Variants in GAA observed in about 807,000 individuals in gnomAD.
The protein encoded by GAA is alpha glucosidase.
A neutral mutation model predicts 103.9 loss-of-function variants in GAA; 88 were observed. That is an observed-to-expected ratio of 0.85 (90% CI 0.71 to 1.01). The LOEUF is 1.01. GAA is among the 50% of genes least tolerant of loss of function. GAA has a pLI of 0.00. For synonymous variants in GAA, 572 were observed against 563.1 expected (o/e 1.02, Z -0.22); for missense variants, 1,350 against 1,305.3 (o/e 1.03, Z -0.53).
rs140301384 is a variant in GAA at position 80,107,851 on chromosome 17, G to A, written c.910G>A (p.Gly304Ser). ...CCCTTTCTACCTGGCGCTGGAGGAC[G>A]GCGGGTCGGCACACGGGGTGTTCCT... The part of the protein sequence containing the change: ...SHPFYLALED[G>S]GSAHGVFLLN... Residue 304 changes from glycine (G) to serine (S), a missense_variant, in exon 5 of 20, where the codon GGC (glycine) becomes AGC (serine). Gly to Ser is a moderately conservative substitution (Grantham distance 56, BLOSUM62 0). Coordinates refer to ENST00000302262, the MANE Select transcript of GAA (RefSeq NM_000152.5). The A allele has an allele frequency of 2.3e-5, 37 of 1,612,114 alleles. No homozygotes were observed. The Admixed American group carries it at 2.3e-4, about 10-fold the overall frequency.
chr17:80,105,447 G>A (rs2039060357), intron 2 of GAA, among the ~76,000 whole-genome samples: 1 of 152,214 alleles, frequency 6.6e-6, no homozygotes, highest in African/African-American at 2.4e-5. Flanking sequence ...CCCCAGGCAT[G>A]ACTTTGTTTT....
At chr17:80,112,126 G>A in intron 12 of GAA, 26 bp downstream of exon 12, 1 of 1,595,232 alleles carries the variant, frequency 6.3e-7, no homozygotes. Context: ...CGCCCCACTG[G>A]GCTCTGCCCT....
Position 80,113,290 on chromosome 17 carries a change from C to T in GAA, c.2113C>T (p.Leu705Phe). The T allele has an allele frequency of 2.5e-6, 4 of 1,599,880 alleles. No individual in the cohort carries two copies. Among genetic ancestry groups the T allele is most frequent in the Non-Finnish European group, 2.6e-6 (3 of 1,173,664 alleles). ...GAAGGCCCTCACCCTGCGCTACGCA[C>T]TCCTCCCCCACCTCTACACACTGTT... ...MRKALTLRYA[L>F]LPHLYTLFHQ... Residue 705 changes from leucine (L) to phenylalanine (F), a missense_variant, in exon 15 of 20, where the codon CTC becomes TTC. Physicochemically the swap from Leu to Phe is conservative, Grantham distance 22. Coordinates refer to ENST00000302262, the MANE Select transcript of GAA (RefSeq NM_000152.5).
intron 8 of GAA, 106 bp from the exon 9 acceptor site, chr17:80,109,839 C>G: frequency 1.3e-6 from 1 of 798,496 alleles, no homozygotes; most frequent in Non-Finnish European, 2.2e-6. Flanking sequence ...GCTGTACACA[C>G]GCATGATGTC....
At position 80,104,719 on chromosome 17, in the gene GAA, T is replaced by C. The variant is rs1322709296; in HGVS notation, c.133T>C (p.Ser45Pro). ...GCTGGTTCCCCGAGAGCTGAGTGGC[T>C]CCTCCCCAGTCCTGGAGGAGACTCA... is the stretch of plus-strand genomic sequence containing the variant. ...FLLVPRELSG[S>P]SPVLEETHPA... The change falls in exon 2 of 20, where the codon TCC becomes CCC. Residue 45 changes from serine to proline, a missense_variant. Transcript: ENST00000302262. The surrounding 1 kb of genome is among the most constrained non-coding windows in gnomAD (Gnocchi z 4.0). 6.2e-7 allele frequency: 1 copy of C among 1,611,984 alleles called. No individual in the cohort carries two copies. The highest frequency in any genetic ancestry group is 1.3e-5 in the African/African-American group (1 of 74,850).
Position 80,104,045 on chromosome 17 carries a change from C to G in GAA, c.-32-510C>G, listed in dbSNP as rs981397471. Among the ~76,000 whole-genome samples the G allele has an allele frequency of 4.6e-5, 7 of 152,190 alleles. No individual in the cohort carries two copies. Among genetic ancestry groups the G allele is most frequent in the African/African-American group, 7.2e-5 (3 of 41,446 alleles). ...TCGGAAGGCCAAGGGGGGTGGATCA[C>G]TTGAGCTCAGGAGTTCGAGACCAGC... On this transcript the variant is annotated intron_variant, in intron 1 of 19. Coordinates refer to ENST00000302262, the MANE Select transcript of GAA (RefSeq NM_000152.5). This position sits in a 1 kb window ranked among gnomAD's most constrained non-coding sequence, Gnocchi z 4.0.
chr17:80,105,630 C>T (rs1242115786), intron 2 of GAA, 119 bp from the exon 3 acceptor site: 3 of 1,226,180 alleles, frequency 2.4e-6, no homozygotes, highest in Non-Finnish European at 3.5e-6. Context: ...GAATGTGCTG[C>T]CCATGGTCCC....
intron 18 of GAA, 31 bp downstream of exon 18, chr17:80,118,388 C>G: frequency 6.4e-7 from 1 of 1,556,348 alleles, no homozygotes; most frequent in East Asian, 2.3e-5. Context: ...GGCTGGTGGG[C>G]AGGGGCCGGC....
chr17:80,118,733 G>A lies in GAA; in HGVS notation c.2727G>A (p.Val909=). The A allele has an allele frequency of 6.2e-7, 1 of 1,613,378 alleles. No individual in the cohort carries two copies. The highest frequency in any genetic ancestry group is 8.5e-7 in the Non-Finnish European group (1 of 1,179,998). Residue 909 remains valine, a synonymous_variant, in exon 19 of 20, where the codon GTG becomes GTA. Coordinates refer to ENST00000302262, the MANE Select transcript of GAA (RefSeq NM_000152.5). ...TGCAGAAGGTGACTGTCCTGGGCGT[G>A]GCCACGGCGCCCCAGCAGGTCCTCT... ...LQLQKVTVLG[V]ATAPQQVLSN... is the part of the protein sequence containing the mutation.
In GAA at chr17:80,107,748, G is replaced by A. The variant is rs111888302; in HGVS notation, c.858+26G>A. 9.3e-6 allele frequency: 15 copies of A among 1,610,282 alleles called. 1 individual carries two copies. The highest frequency in any genetic ancestry group is 8.4e-5 in the Admixed American group (5 of 59,856). On this transcript the variant is annotated intron_variant, in intron 4 of 19. Transcript: ENST00000302262. ...GTACAGCGGCGGGCGGCGGGCGGGGGCACTGAGCTGGGGAGCGCAGGTGCT... is the reference window on the plus strand; with the variant it reads ...GTACAGCGGCGGGCGGCGGGCGGGGACACTGAGCTGGGGAGCGCAGGTGCT...
chr17:80,112,178 G>T (rs1444712385), intron 12 of GAA, 78 bp downstream of exon 12: 21 of 1,430,280 alleles, frequency 1.5e-5, no homozygotes, highest in Non-Finnish European at 2.0e-5. Context: ...CAGGGCCTCA[G>T]GGAGGAGGAA....
At position 80,119,261 on chromosome 17, in the gene GAA, C is replaced by T. The variant is rs374571499; in HGVS notation, c.2800-11C>T. On this transcript the variant is annotated splice_polypyrimidine_tract_variant and intron_variant, in intron 19 of 19. Coordinates refer to ENST00000302262, the MANE Select transcript of GAA (RefSeq NM_000152.5). Reference sequence around the variant, plus strand: ...TCTCGGGCTGCTCCATTTGTGCTCTCTCTTTTCCAGGTCCTGGACATCTGT... The same window carrying T: ...TCTCGGGCTGCTCCATTTGTGCTCTTTCTTTTCCAGGTCCTGGACATCTGT... The T allele has an allele frequency of 3.7e-6, 6 of 1,613,768 alleles. No homozygotes were observed. Among genetic ancestry groups the T allele is most frequent in the Non-Finnish European group, 5.1e-6 (6 of 1,179,810 alleles).
Position 80,112,601 on chromosome 17 carries a change from C to T in GAA, c.1778C>T (p.Thr593Ile), listed in dbSNP as rs771953668. The T allele has an allele frequency of 1.2e-6, 2 of 1,612,998 alleles. No homozygotes were observed. ...AGGGCGCTGGTGAAGGCTCGGGGGA[C>T]ACGCCCATTTGTGATCTCCCGCTCG... ...SHRALVKARG[T>I]RPFVISRSTF... is the part of the protein sequence containing the mutation. Residue 593 changes from threonine to isoleucine, a missense_variant, in exon 13 of 20, where the codon ACA becomes ATA. Coordinates refer to ENST00000302262, the MANE Select transcript of GAA (RefSeq NM_000152.5).
At position 80,107,552 on chromosome 17, in the gene GAA, C is replaced by T. The variant is rs763538104; in HGVS notation, c.693-5C>T. 1.3e-5 allele frequency: 21 copies of T among 1,612,858 alleles called. No individual in the cohort carries two copies. The East Asian group carries it at 1.3e-4, about 10-fold the overall frequency. On this transcript the variant is annotated splice_polypyrimidine_tract_variant and splice_region_variant and intron_variant, in intron 3 of 19. Coordinates refer to ENST00000302262, the MANE Select transcript of GAA (RefSeq NM_000152.5). Reference sequence around the variant, plus strand: ...GAGCAAGCCTGGCTGGCCTCTGTCCCGCAGGCTGAACACGACGGTGGCGCC... The same window carrying T: ...GAGCAAGCCTGGCTGGCCTCTGTCCTGCAGGCTGAACACGACGGTGGCGCC...
At position 80,117,550 on chromosome 17, in the gene GAA, A is replaced by G. The variant is rs1181295160; in HGVS notation, c.2332-50A>G. 1.9e-6 allele frequency: 3 copies of G among 1,607,074 alleles called. No individual in the cohort carries two copies. In the African/African-American group the frequency reaches 4.0e-5, roughly 21 times the overall value. On this transcript the variant is annotated intron_variant, in intron 16 of 19. Coordinates refer to ENST00000302262, the MANE Select transcript of GAA (RefSeq NM_000152.5). The stretch of plus-strand genomic sequence containing the variant: ...GGAGAGCGTGGTTCCTGAGGACAGC[A>G]TGGGGGCCTCGGCACGGCCCAGAAT...
At chr17:80,118,086 T>A in intron 17 of GAA, 107 bp from the exon 18 acceptor site, 1 of 1,299,230 alleles carries the variant, frequency 7.7e-7, no homozygotes, top group Non-Finnish European at 1.1e-6. Context: ...CTGCAGATCC[T>A]AGTTACTGGC....
At chr17:80,117,947 G>C (rs2039394807) in intron 17 of GAA, among the ~76,000 whole-genome samples, 198 bp downstream of exon 17, 1 of 152,234 alleles carries the variant, frequency 6.6e-6, no homozygotes. Context: ...ATGGCCGGCA[G>C]GAGCTCAGTG....
In GAA at chr17:80,108,597, A is replaced by G. The variant is rs775121651; in HGVS notation, c.1184A>G (p.His395Arg). The change falls in exon 7 of 20, where the codon CAC becomes CGC. Residue 395 changes from histidine (H) to arginine (R), a missense_variant. Coordinates refer to ENST00000302262, the MANE Select transcript of GAA (RefSeq NM_000152.5). ...RQVVENMTRA[H>R]FPLDVQWNDL... ...GTGGTGGAGAACATGACCAGGGCCCACTTCCCCCTGGTGAGTTGGGGTGGT... is the reference window on the plus strand; with the variant it reads ...GTGGTGGAGAACATGACCAGGGCCCGCTTCCCCCTGGTGAGTTGGGGTGGT... 2.5e-6 allele frequency: 4 copies of G among 1,612,744 alleles called. No homozygotes were observed. Among genetic ancestry groups the G allele is most frequent in the Admixed American group, 1.7e-5 (1 of 59,980 alleles).
Position 80,107,557 on chromosome 17 carries a change from G to A in GAA, c.693G>A (p.Leu231=), listed in dbSNP as rs1364119952. The A allele has an allele frequency of 6.2e-7, 1 of 1,613,012 alleles. No homozygotes were observed. The highest frequency in any genetic ancestry group is 8.5e-7 in the Non-Finnish European group (1 of 1,179,876). The change falls in exon 4 of 20, where the codon CTG becomes CTA. Residue 231 remains leucine (L), a splice_region_variant and synonymous_variant. Coordinates refer to ENST00000302262, the MANE Select transcript of GAA (RefSeq NM_000152.5). ...AGCCTGGCTGGCCTCTGTCCCGCAG[G>A]CTGAACACGACGGTGGCGCCCCTGT... ...IVRRQLDGRV[L]LNTTVAPLFF...
Sources: gnomAD v4.1 joint callset for allele counts (sites outside exome capture counted in the v4.1 genomes callset) on GRCh38, gnomAD v4.1.1 for gene constraint, Gnocchi (gnomAD v3.1) non-coding constraint, MANE v1.5 for transcripts, NCBI Gene and HGNC (gene_info 2026-07-23, HGNC 2026-07-21) for gene names.